Variants in EBF2 observed in about 807,000 individuals in gnomAD.
EBF2 encodes transcription factor COE2.
A neutral mutation model predicts 72.8 loss-of-function variants in EBF2; 21 were observed. The observed-to-expected ratio is 0.29, with a 90% CI of 0.20 to 0.42. The LOEUF (loss-of-function observed/expected upper bound fraction) is 0.42. Ranked by LOEUF, EBF2 falls within the 10% of genes least tolerant of loss-of-function variation. EBF2 has a pLI of 1.00. For missense variants in EBF2, 637 were observed against 731.2 expected (o/e 0.87, Z 1.49); for synonymous variants, 299 against 274.2 (o/e 1.09, Z -0.89).
At chr8:26,022,503 T>C (rs1322619296) in intron 6 of EBF2, among the ~76,000 whole-genome samples, 1 of 152,186 alleles carries the variant, frequency 6.6e-6, no homozygotes, top group African/African-American at 2.4e-5. Flanking sequence ...CTCACTGCCA[T>C]CTTGTGAGTC....
intron 10 of EBF2, among the ~76,000 whole-genome samples, chr8:25,882,521 G>A (rs538467569): frequency 7.2e-5 from 11 of 152,196 alleles, no homozygotes; most frequent in African/African-American, 2.6e-4. Context: ...GAGAGTATTT[G>A]ACCGTGGAAA....
intron 6 of EBF2, among the ~76,000 whole-genome samples, chr8:25,978,840 C>T (rs1804310420): frequency 6.6e-6 from 1 of 152,178 alleles, no homozygotes; most frequent in East Asian, 1.9e-4. Context: ...GTAATGAAAG[C>T]TTGTAAAAGA....
At position 26,040,678 on chromosome 8, in the gene EBF2, G is replaced by A. The variant is rs758947301; in HGVS notation, c.353-7C>T. 141 of 1,554,304 alleles carry A rather than the reference G, an allele frequency of 9.1e-5. No individual in the cohort carries two copies. The Middle Eastern group carries it at 1.0e-3, about 11-fold the overall frequency. ...TCCTGTTCCGTGCGGACACCTGCGGGGACCGGAGGGGCACGAGTCAAGGGC... is the reference window on the plus strand; with the variant it reads ...TCCTGTTCCGTGCGGACACCTGCGGAGACCGGAGGGGCACGAGTCAAGGGC... On this transcript the variant is annotated splice_region_variant and splice_polypyrimidine_tract_variant and intron_variant, in intron 3 of 15. Transcript: ENST00000520164.
At chr8:25,854,867 G>A (rs1442354702) in intron 14 of EBF2, among the ~76,000 whole-genome samples, 3 of 152,168 alleles carry the variant, frequency 2.0e-5, no homozygotes, top group Non-Finnish European at 4.4e-5. Flanking sequence ...CTAAGGCTCT[G>A]AACATGATGT....
intron 6 of EBF2, among the ~76,000 whole-genome samples, chr8:25,919,831 G>GCTAT: frequency 6.6e-6 from 1 of 152,260 alleles, no homozygotes; most frequent in South Asian, 2.1e-4. Context: ...ACCTCCTGGG[G>GCTAT]CTATCTATTG....
chr8:25,920,157 G>A (rs1031527325), intron 6 of EBF2, among the ~76,000 whole-genome samples: 1 of 152,102 alleles, frequency 6.6e-6, no homozygotes, highest in African/African-American at 2.4e-5. Flanking sequence ...AATACACAAA[G>A]GGTCATGGAA....
chr8:25,935,088 G>A (rs962127174), intron 6 of EBF2, among the ~76,000 whole-genome samples: 3 of 152,106 alleles, frequency 2.0e-5, no homozygotes, highest in Non-Finnish European at 4.4e-5. Context: ...CTGTAACCCA[G>A]AAATTTTTTT....
chr8:25,901,120 C>A (rs2081487356), intron 7 of EBF2, among the ~76,000 whole-genome samples: 1 of 151,968 alleles, frequency 6.6e-6, no homozygotes, highest in South Asian at 2.1e-4. Flanking sequence ...CATTATATAT[C>A]AATAAAAAAA....
intron 14 of EBF2, among the ~76,000 whole-genome samples, chr8:25,857,736 C>T (rs1199904420): frequency 6.6e-6 from 1 of 152,212 alleles, no homozygotes; most frequent in African/African-American, 2.4e-5. Context: ...CATGATTGCA[C>T]ACAGTCAACT....
At chr8:25,937,525 T>C (rs1803599363) in intron 6 of EBF2, among the ~76,000 whole-genome samples, 1 of 152,226 alleles carries the variant, frequency 6.6e-6, no homozygotes, top group South Asian at 2.1e-4. Flanking sequence ...TATTGTTTCA[T>C]CAATCTGGTA....
intron 6 of EBF2, among the ~76,000 whole-genome samples, chr8:26,005,579 G>GAGAGAGAGAGAA (rs71216409): frequency 1.6e-5 from 1 of 63,780 alleles, no homozygotes; most frequent in Non-Finnish European, 2.9e-5. Flanking sequence ...GAGAGAGAGA[G>GAGAGAGAGAGAA]GTATTTTGGG....
intron 6 of EBF2, among the ~76,000 whole-genome samples, chr8:25,955,086 T>A (rs1803924122): frequency 6.6e-6 from 1 of 152,084 alleles, no homozygotes; most frequent in Non-Finnish European, 1.5e-5. Context: ...CCCAGAACAG[T>A]GTGGGCTGCG....
chr8:25,891,431 T>A (rs1563390742), intron 7 of EBF2, among the ~76,000 whole-genome samples: 1 of 152,112 alleles, frequency 6.6e-6, no homozygotes, highest in Non-Finnish European at 1.5e-5. Flanking sequence ...GTAGACCTTT[T>A]GAGGAAGGGC....
Position 26,044,589 on chromosome 8 carries a change from G to A in EBF2, c.131+140C>T, listed in dbSNP as rs1805669018. ...TGCAGCGATCTGCTTGCCCGAGGGC[G>A]AGCCCCAGCGCGCAGGGCCTGGGCG... On this transcript the variant is annotated intron_variant, in intron 1 of 15. Transcript: ENST00000520164. This position sits in a 1 kb window ranked among gnomAD's most constrained non-coding sequence, Gnocchi z 4.1. 7 of 1,282,242 alleles carry A rather than the reference G, an allele frequency of 5.5e-6. No homozygotes were observed. The highest frequency in any genetic ancestry group is 6.4e-6 in the Non-Finnish European group (6 of 934,352). The allele number at this position is 1,282,242 out of a possible 1,614,324, so 79.4% of individuals were successfully genotyped here.
intron 6 of EBF2, among the ~76,000 whole-genome samples, chr8:26,006,321 T>C (rs1460705272): frequency 6.6e-6 from 1 of 152,226 alleles, no homozygotes; most frequent in African/African-American, 2.4e-5. Flanking sequence ...GATCAACATG[T>C]GTTCTATTTT....
intron 9 of EBF2, among the ~76,000 whole-genome samples, chr8:25,887,369 T>C (rs2117290278): frequency 6.6e-6 from 1 of 152,332 alleles, no homozygotes. Context: ...TTTGTCATGT[T>C]TTATATGATG....
At chr8:25,983,839 G>A (rs1045362927) in intron 6 of EBF2, among the ~76,000 whole-genome samples, 3 of 152,252 alleles carry the variant, frequency 2.0e-5, no homozygotes, top group African/African-American at 7.2e-5. Flanking sequence ...TATCAATGTC[G>A]ATTTAAAAAT....
chr8:26,038,958 G>A (rs1417919981), intron 5 of EBF2, among the ~76,000 whole-genome samples: 1 of 152,202 alleles, frequency 6.6e-6, no homozygotes, highest in East Asian at 1.9e-4. Flanking sequence ...TCTGGAGTTA[G>A]GAGACATTGA....
chr8:25,938,501 C>T (rs973764932), intron 6 of EBF2, among the ~76,000 whole-genome samples: 1 of 151,726 alleles, frequency 6.6e-6, no homozygotes, highest in Admixed American at 6.6e-5. Flanking sequence ...GTGTAAGATA[C>T]TAAGTCTAAA....
Sources: allele counts gnomAD v4.1 joint callset (sites outside exome capture counted in the v4.1 genomes callset), GRCh38; gene constraint gnomAD v4.1.1; non-coding constraint Gnocchi (gnomAD v3.1); transcripts MANE v1.5; gene names NCBI Gene and HGNC (gene_info 2026-07-23, HGNC 2026-07-21).